Variants in SEMA5A observed in about 807,000 individuals in gnomAD.
SEMA5A encodes the protein semaphorin-5A.
A neutral mutation model predicts 135.5 loss-of-function variants in SEMA5A; 55 were observed. That is an observed-to-expected ratio of 0.41 (90% confidence interval 0.33 to 0.51). The LOEUF (loss-of-function observed/expected upper bound fraction) is 0.51. Ranked by LOEUF, SEMA5A falls within the 20% of genes least tolerant of loss-of-function variation. The probability of loss-of-function intolerance (pLI) is 0.37; values close to 1 mark genes in which losing one functional copy is unlikely to be tolerated. For missense variants in SEMA5A, 1,290 were observed against 1,419.9 expected, an observed-to-expected ratio of 0.91 and a Z score of 1.47; for synonymous variants, 580 against 546.5, an observed-to-expected ratio of 1.06 and a Z score of -0.85.
intron 16 of SEMA5A, among the ~76,000 whole-genome samples, chr5:9,068,835 G>C (rs1353612479): frequency 1.3e-5 from 2 of 152,196 alleles, no homozygotes; most frequent in African/African-American, 4.8e-5. Flanking sequence ...ATAGGACTCT[G>C]TGTGCAGCAG....
chr5:9,518,864 C>T (rs929317402), intron 1 of SEMA5A, among the ~76,000 whole-genome samples: 2 of 152,042 alleles, frequency 1.3e-5, no homozygotes, highest in Non-Finnish European at 2.9e-5. Flanking sequence ...ACTTTTATAG[C>T]CCAGAATGAC....
chr5:9,071,372 G>A (rs1273298451), intron 16 of SEMA5A, among the ~76,000 whole-genome samples: 1 of 152,122 alleles, frequency 6.6e-6, no homozygotes, highest in African/African-American at 2.4e-5. Context: ...AAAGCATGTA[G>A]TTCCTTAAAG....
At chr5:9,483,348 T>C (rs767292876) in intron 1 of SEMA5A, among the ~76,000 whole-genome samples, 3 of 152,168 alleles carry the variant, frequency 2.0e-5, no homozygotes, top group Non-Finnish European at 4.4e-5. Flanking sequence ...TCTCGTCCTA[T>C]CTGCATAATG....
intron 13 of SEMA5A, among the ~76,000 whole-genome samples, chr5:9,135,179 CTTTT>C (rs11297927): frequency 6.5e-5 from 8 of 123,528 alleles, no homozygotes; most frequent in African/African-American, 1.9e-4. Flanking sequence ...TTCCGACTTT[CTTTT>C]TTTTTTTTTT....
At chr5:9,067,615 CATTCCTCCACCTCTTTCAGTTGCAG>C (rs1395625868) in intron 16 of SEMA5A, among the ~76,000 whole-genome samples, 2 of 152,224 alleles carry the variant, frequency 1.3e-5, no homozygotes, top group African/African-American at 4.8e-5. Context: ...ATTGCTCTAT[CATTCCTCCACCTCTTTCAGTTGCAG>C]ATTTTGATAC....
chr5:9,102,174 G>T (rs1229498313), intron 16 of SEMA5A, among the ~76,000 whole-genome samples: 3 of 152,198 alleles, frequency 2.0e-5, no homozygotes, highest in Non-Finnish European at 4.4e-5. Context: ...TTTTAAAACA[G>T]ACTGTTCAAT....
At chr5:9,076,827 A>G (rs112583188) in intron 16 of SEMA5A, among the ~76,000 whole-genome samples, 2 of 151,542 alleles carry the variant, frequency 1.3e-5, no homozygotes, top group African/African-American at 2.4e-5. Flanking sequence ...ACTGTTATCT[A>G]CCACATAGCC....
intron 5 of SEMA5A, among the ~76,000 whole-genome samples, chr5:9,289,442 G>A (rs1750961552): frequency 6.6e-6 from 1 of 152,142 alleles, no homozygotes; most frequent in East Asian, 1.9e-4. Context: ...GGCTGAGGCA[G>A]ATCGCGAGGT....
intron 1 of SEMA5A, among the ~76,000 whole-genome samples, chr5:9,506,269 G>A (rs1053716917): frequency 2.0e-5 from 3 of 152,216 alleles, no homozygotes; most frequent in Middle Eastern, 3.4e-3. Context: ...AAAGTTGCCC[G>A]ATTTCTTAGT....
intron 12 of SEMA5A, among the ~76,000 whole-genome samples, chr5:9,151,198 TCA>T (rs1742617364): frequency 1.3e-5 from 2 of 152,324 alleles, no homozygotes; most frequent in East Asian, 1.9e-4. Flanking sequence ...TGAAATTGTA[TCA>T]GTTATCATTT....
chr5:9,267,045 C>G (rs771560823), intron 5 of SEMA5A, among the ~76,000 whole-genome samples: 2 of 152,174 alleles, frequency 1.3e-5, no homozygotes, highest in Non-Finnish European at 2.9e-5. Flanking sequence ...CCTTACAGAG[C>G]TCTGCCCAGC....
At chr5:9,463,406 A>G (rs1350593838) in intron 1 of SEMA5A, among the ~76,000 whole-genome samples, 1 of 152,196 alleles carries the variant, frequency 6.6e-6, no homozygotes, top group African/African-American at 2.4e-5. Flanking sequence ...AGGTCAGGAC[A>G]ATATCATGAA....
At chr5:9,137,526 G>A (rs1037456906) in intron 12 of SEMA5A, among the ~76,000 whole-genome samples, 7 of 152,174 alleles carry the variant, frequency 4.6e-5, no homozygotes, top group Admixed American at 1.3e-4. Flanking sequence ...ATAATGTCAT[G>A]GGCACGCAGG....
chr5:9,186,550 A>G (rs61635916), intron 11 of SEMA5A, among the ~76,000 whole-genome samples: 139 of 152,294 alleles, frequency 9.1e-4, no homozygotes, highest in African/African-American at 3.0e-3. Flanking sequence ...CTTCACATTC[A>G]TTAGTTATGA....
At chr5:9,151,047 G>A (rs1048388962) in intron 12 of SEMA5A, among the ~76,000 whole-genome samples, 24 of 152,142 alleles carry the variant, frequency 1.6e-4, no homozygotes, top group African/African-American at 5.8e-4. Context: ...GTGACTTTGA[G>A]CAGGACACCA....
intron 1 of SEMA5A, among the ~76,000 whole-genome samples, chr5:9,511,154 T>C (rs548962704): frequency 3.2e-4 from 49 of 152,354 alleles, no homozygotes; most frequent in Middle Eastern, 6.8e-3. Flanking sequence ...ATCATTATAA[T>C]ATATTCTTTA....
At chr5:9,472,164 A>G (rs1759499565) in intron 1 of SEMA5A, among the ~76,000 whole-genome samples, 1 of 152,200 alleles carries the variant, frequency 6.6e-6, no homozygotes, top group Non-Finnish European at 1.5e-5. Context: ...TCTCAAATAC[A>G]CACAACCAAT....
intron 3 of SEMA5A, among the ~76,000 whole-genome samples, chr5:9,362,745 A>T (rs1326442669): frequency 6.6e-6 from 1 of 152,226 alleles, no homozygotes; most frequent in Non-Finnish European, 1.5e-5. Context: ...CAAACTCTGT[A>T]GTATGCTCTC....
chr5:9,082,883 G>A (rs1386279874), intron 16 of SEMA5A, among the ~76,000 whole-genome samples: 2 of 152,072 alleles, frequency 1.3e-5, no homozygotes, highest in African/African-American at 4.8e-5. Context: ...TATCTAACTG[G>A]TAAAATAAGT....
Sources: gnomAD v4.1 joint callset for allele counts (sites outside exome capture counted in the v4.1 genomes callset) on GRCh38, gnomAD v4.1.1 for gene constraint, MANE v1.5 for transcripts, NCBI Gene and HGNC (gene_info 2026-07-23, HGNC 2026-07-21) for gene names.